Variants in SLC35F4 observed in about 807,000 individuals in gnomAD.
The protein encoded by SLC35F4 is chromosome 14 open reading frame 36.
In SLC35F4, 24 loss-of-function variants were observed where a neutral mutation model predicts 44.2. The ratio of observed to expected loss-of-function variants is 0.54; its 90% CI spans 0.39 to 0.76. SLC35F4 has a LOEUF of 0.76. Among genes scored for constraint, SLC35F4 ranks in the 30% least tolerant of loss-of-function variants. The pLI is 0.00. For missense variants in SLC35F4, 562 were observed against 586.1 expected, an observed-to-expected ratio of 0.96 and a Z score of 0.42; for synonymous variants, 238 against 223.6, an observed-to-expected ratio of 1.06 and a Z score of -0.57.
chr14:57,889,297 C>A (rs1299716284), intron 1 of SLC35F4, among the ~76,000 whole-genome samples: 1 of 152,218 alleles, frequency 6.6e-6, no homozygotes, highest in African/African-American at 2.4e-5. Context: ...GTGCCAGGAT[C>A]AGCCACAGCA....
chr14:57,653,077 A>C (rs1473354237), intron 1 of SLC35F4, among the ~76,000 whole-genome samples: 1 of 152,190 alleles, frequency 6.6e-6, no homozygotes, highest in Non-Finnish European at 1.5e-5. Flanking sequence ...CAATGTATTA[A>C]AAAACCTCAG....
At chr14:57,764,569 C>T (rs1770777899) in intron 1 of SLC35F4, among the ~76,000 whole-genome samples, 2 of 152,188 alleles carry the variant, frequency 1.3e-5, no homozygotes, top group Admixed American at 6.5e-5. Flanking sequence ...GCCTTTTTAT[C>T]AAAGTAACAC....
At chr14:57,689,852 G>C (rs1594801881) in intron 1 of SLC35F4, among the ~76,000 whole-genome samples, 1 of 151,804 alleles carries the variant, frequency 6.6e-6, no homozygotes, top group African/African-American at 2.4e-5. Flanking sequence ...AAACCTGCAC[G>C]TTGTGCACAG....
rs1033654325 is a variant in SLC35F4, at chr14:57,735,083, A to G, written c.103+130640T>C. Among the ~76,000 whole-genome samples the G allele has an allele frequency of 4.6e-5, 7 of 152,238 alleles. No individual in the cohort carries two copies. The East Asian group carries it at 1.4e-3, about 29-fold the overall frequency. On this transcript the variant is annotated intron_variant, in intron 1 of 7. Coordinates refer to ENST00000556826, the MANE Select transcript of SLC35F4 (RefSeq NM_001306087.2). ...CACATGACAAGTACTGACATCTGTG[A>G]CATACAAAATACAACAGGATGAGGC...
chr14:57,575,552 A>ATGTT (rs1159642330), intron 4 of SLC35F4, among the ~76,000 whole-genome samples: 1 of 152,204 alleles, frequency 6.6e-6, no homozygotes, highest in East Asian at 1.9e-4. Flanking sequence ...TTAGGTGAGA[A>ATGTT]TGTTAGTAAC....
intron 1 of SLC35F4, among the ~76,000 whole-genome samples, chr14:57,819,482 A>C (rs1222691653): frequency 6.6e-6 from 1 of 151,816 alleles, no homozygotes; most frequent in Non-Finnish European, 1.5e-5. Context: ...CAAAAGGCCA[A>C]GAATGACAGA....
chr14:57,691,041 C>A (rs926215115), intron 1 of SLC35F4, among the ~76,000 whole-genome samples: 5 of 152,076 alleles, frequency 3.3e-5, no homozygotes, highest in East Asian at 1.9e-4. Flanking sequence ...GTGACCCTTG[C>A]CCTAGACTGT....
In SLC35F4 at chr14:57,612,446, G is replaced by C. The variant is rs531062585; in HGVS notation, c.104-18322C>G. 4.6e-5 allele frequency among the ~76,000 whole-genome samples: 7 copies of C among 152,180 alleles called. No individual in the cohort carries two copies. In the East Asian group the frequency reaches 1.3e-3, roughly 29 times the overall value. ...ATTCATATTCAAGCTTCAAGTCTCAGTTCAAGTGTCACTTACCTATAGCGG... is the reference window on the plus strand; with the variant it reads ...ATTCATATTCAAGCTTCAAGTCTCACTTCAAGTGTCACTTACCTATAGCGG... On this transcript the variant is annotated intron_variant, in intron 1 of 7. Transcript: ENST00000556826.
At chr14:57,605,799 C>T (rs1460628897) in intron 1 of SLC35F4, among the ~76,000 whole-genome samples, 4 of 151,462 alleles carry the variant, frequency 2.6e-5, no homozygotes, top group Non-Finnish European at 4.4e-5. Context: ...AATGAAATCA[C>T]GTCCCTTGCA....
intron 1 of SLC35F4, among the ~76,000 whole-genome samples, chr14:57,601,544 T>C (rs1382376679): frequency 1.3e-5 from 2 of 152,178 alleles, no homozygotes; most frequent in Non-Finnish European, 1.5e-5. Context: ...CTCCCACTTA[T>C]AAGAGAGAAC....
chr14:57,943,629 T>A (rs1183156189), intron 1 of SLC35F4, among the ~76,000 whole-genome samples: 2 of 151,330 alleles, frequency 1.3e-5, no homozygotes, highest in Admixed American at 6.6e-5. Context: ...ATCTGCGACT[T>A]CCCACCGCCT....
At chr14:57,805,127 C>T (rs1248705285) in intron 1 of SLC35F4, among the ~76,000 whole-genome samples, 1 of 152,102 alleles carries the variant, frequency 6.6e-6, no homozygotes, top group African/African-American at 2.4e-5. Flanking sequence ...ACAACAGATG[C>T]TGGTAAGGTT....
chr14:57,901,371 A>T (rs982012154), intron 1 of SLC35F4, among the ~76,000 whole-genome samples: 1 of 152,224 alleles, frequency 6.6e-6, no homozygotes, highest in Non-Finnish European at 1.5e-5. Flanking sequence ...TCTTTTGCAG[A>T]GACATGGATG....
chr14:57,946,464 C>CTT (rs1890029647), intron 1 of SLC35F4, among the ~76,000 whole-genome samples: 4 of 124,846 alleles, frequency 3.2e-5, no homozygotes, highest in East Asian at 2.2e-4. Flanking sequence ...GTTTTGTTTT[C>CTT]TTTTCTTTTT....
At chr14:57,724,637 T>A (rs1289673792) in intron 1 of SLC35F4, among the ~76,000 whole-genome samples, 2 of 152,312 alleles carry the variant, frequency 1.3e-5, no homozygotes, top group East Asian at 3.9e-4. Flanking sequence ...TCTCCACTCC[T>A]GCCATCCTGC....
chr14:57,926,731 G>A (rs529546455), intron 1 of SLC35F4, among the ~76,000 whole-genome samples: 7 of 150,196 alleles, frequency 4.7e-5, no homozygotes, highest in Admixed American at 1.3e-4. Context: ...GGGTTGGGGG[G>A]GGGGGGTGGA....
intron 1 of SLC35F4, among the ~76,000 whole-genome samples, chr14:57,610,985 G>C (rs186357275): frequency 9.8e-5 from 15 of 152,338 alleles, no homozygotes; most frequent in African/African-American, 3.6e-4. Flanking sequence ...CGCAAGAGTG[G>C]GTAGTGATTG....
intron 3 of SLC35F4, among the ~76,000 whole-genome samples, chr14:57,585,334 A>AG (rs2069626735): frequency 6.6e-6 from 1 of 152,196 alleles, no homozygotes. Context: ...GATGGAACGT[A>AG]TCTATCTCAA....
chr14:57,800,833 G>A (rs2078174706), intron 1 of SLC35F4, among the ~76,000 whole-genome samples: 1 of 152,070 alleles, frequency 6.6e-6, no homozygotes, highest in African/African-American at 2.4e-5. Context: ...AGAATGAAAA[G>A]GAATAAACAA....
Sources: allele counts gnomAD v4.1 joint callset (sites outside exome capture counted in the v4.1 genomes callset), GRCh38; gene constraint gnomAD v4.1.1; transcripts MANE v1.5; gene names NCBI Gene and HGNC (gene_info 2026-07-23, HGNC 2026-07-21).